Variants in SLC25A21 observed in about 807,000 individuals in gnomAD.
The protein encoded by SLC25A21 is mitochondrial 2-oxodicarboxylate carrier.
A neutral mutation model predicts 43.8 loss-of-function variants in SLC25A21; 47 were observed. The observed-to-expected ratio is 1.07, with a 90% CI of 0.85 to 1.37. The LOEUF is 1.37. SLC25A21 is among the 40% of genes most tolerant of loss of function. The probability of loss-of-function intolerance (pLI) is 0.00; values close to 1 mark genes in which losing one functional copy is unlikely to be tolerated. For missense variants in SLC25A21, 352 were observed against 350.2 expected, an observed-to-expected ratio of 1.00 and a Z score of -0.04; for synonymous variants, 131 against 121.3, an observed-to-expected ratio of 1.08 and a Z score of -0.52.
At chr14:36,997,498 T>C (rs992234389) in intron 1 of SLC25A21, among the ~76,000 whole-genome samples, 1 of 152,108 alleles carries the variant, frequency 6.6e-6, no homozygotes, top group Non-Finnish European at 1.5e-5. Context: ...GAGAAGTAAA[T>C]GTTTGACTGA....
chr14:37,023,843 TA>T (rs1473372926), intron 1 of SLC25A21, among the ~76,000 whole-genome samples: 2 of 151,912 alleles, frequency 1.3e-5, no homozygotes, highest in Non-Finnish European at 2.9e-5. Flanking sequence ...CACCACTTTC[TA>T]TTACAGTGGT....
intron 4 of SLC25A21, among the ~76,000 whole-genome samples, chr14:36,733,763 G>C (rs892092718): frequency 6.6e-6 from 1 of 152,072 alleles, no homozygotes. Context: ...TCAGTGGTGC[G>C]GGGGAGGGGA....
intron 3 of SLC25A21, among the ~76,000 whole-genome samples, chr14:36,750,775 A>G (rs960749270): frequency 6.6e-6 from 1 of 152,216 alleles, no homozygotes; most frequent in African/African-American, 2.4e-5. Flanking sequence ...CCAGATGACT[A>G]TCTGTTAGGA....
At chr14:37,160,118 T>A (rs1963913636) in intron 1 of SLC25A21, among the ~76,000 whole-genome samples, 1 of 152,140 alleles carries the variant, frequency 6.6e-6, no homozygotes, top group Admixed American at 6.5e-5. Flanking sequence ...TTGATGAGAA[T>A]GTAAACTAGT....
rs1397904925 is a variant in SLC25A21, at chr14:36,776,234, C to CTTTTTTTTTTTTTT, written c.203+37683_203+37684insAAAAAAAAAAAAAA. 2.8e-4 allele frequency among the ~76,000 whole-genome samples: 21 copies of CTTTTTTTTTTTTTT among 75,752 alleles called. 2 individuals are homozygous for CTTTTTTTTTTTTTT. Among genetic ancestry groups the CTTTTTTTTTTTTTT allele is most frequent in the African/African-American group, 1.2e-3 (21 of 17,568 alleles). The allele number at this position is 75,752 out of a possible 152,430, so 49.7% of individuals were successfully genotyped here. On this transcript the variant is annotated intron_variant, in intron 3 of 9. Transcript: ENST00000331299. ...CTTTCTTTTTTCTTTTTCTTTCTTT[C>CTTTTTTTTTTTTTT]TTTCTTTTTTTTTTTTTTTTGAGAT... is the stretch of plus-strand genomic sequence containing the variant.
At chr14:36,942,651 G>A (rs553217406) in intron 1 of SLC25A21, among the ~76,000 whole-genome samples, 1 of 152,256 alleles carries the variant, frequency 6.6e-6, no homozygotes, top group African/African-American at 2.4e-5. Context: ...CAGCTGTGGT[G>A]AAAAATATAA....
chr14:36,733,288 T>G (rs894749221), intron 4 of SLC25A21, among the ~76,000 whole-genome samples: 1 of 152,228 alleles, frequency 6.6e-6, no homozygotes, highest in Non-Finnish European at 1.5e-5. Flanking sequence ...TAAAGCCATT[T>G]CATAATTCAA....
intron 1 of SLC25A21, among the ~76,000 whole-genome samples, chr14:37,062,013 G>C (rs1217404093): frequency 7.0e-6 from 1 of 141,932 alleles, no homozygotes; most frequent in Non-Finnish European, 1.6e-5. Flanking sequence ...GGTCCAAACA[G>C]TATGGCCCCC....
intron 1 of SLC25A21, among the ~76,000 whole-genome samples, chr14:37,087,621 C>T (rs1052056304): frequency 3.3e-5 from 5 of 152,182 alleles, no homozygotes; most frequent in African/African-American, 1.2e-4. Flanking sequence ...TCTCGCTCAT[C>T]TAGATATTGG....
intron 3 of SLC25A21, among the ~76,000 whole-genome samples, chr14:36,796,348 A>AATTTATTTATTTATTTATTTATTTATTT (rs555283170): frequency 6.6e-6 from 1 of 151,262 alleles, no homozygotes; most frequent in African/African-American, 2.5e-5. Context: ...ACAGTATGGT[A>AATTTATTTATTTATTTATTTATTTATTT]ATTTATTTAT....
chr14:36,800,448 T>A lies in SLC25A21; in HGVS notation c.203+13470A>T, dbSNP rs1594268. On this transcript the variant is annotated intron_variant, in intron 3 of 9. Transcript: ENST00000331299. ...CTACAATACAGATGAACCTTGAAGGTACATTATGTTAAGTGAAATAAACCA... is the reference window on the plus strand; with the variant it reads ...CTACAATACAGATGAACCTTGAAGGAACATTATGTTAAGTGAAATAAACCA... 7.2e-5 allele frequency among the ~76,000 whole-genome samples: 11 copies of A among 152,072 alleles called. No homozygotes were observed. The South Asian group carries it at 2.1e-3, about 29-fold the overall frequency.
chr14:37,085,233 G>T (rs11848802), intron 1 of SLC25A21, among the ~76,000 whole-genome samples: 1,810 of 152,120 alleles, frequency 0.012, 33 homozygotes, highest in African/African-American at 0.042. Context: ...CAGACAACAC[G>T]CCACGCTCGT....
intron 1 of SLC25A21, among the ~76,000 whole-genome samples, chr14:36,899,192 C>T (rs548649287): frequency 8.6e-4 from 130 of 151,776 alleles, no homozygotes; most frequent in Middle Eastern, 3.4e-3. Context: ...GTGCTCAAGA[C>T]GATCCACGCA....
intron 1 of SLC25A21, among the ~76,000 whole-genome samples, chr14:36,875,833 A>G (rs2138557480): frequency 6.6e-6 from 1 of 152,336 alleles, no homozygotes; most frequent in South Asian, 2.1e-4. Context: ...CTACTCAATT[A>G]TAATACAAAC....
chr14:36,682,633 TAGC>T (rs1461192910), intron 9 of SLC25A21, among the ~76,000 whole-genome samples: 1 of 152,192 alleles, frequency 6.6e-6, no homozygotes, highest in Non-Finnish European at 1.5e-5. Flanking sequence ...TTAGGTCTAC[TAGC>T]AGGTTTTTAC....
At position 36,815,227 on chromosome 14, in the gene SLC25A21, T is replaced by C. The variant is rs118040446; in HGVS notation, c.120-1226A>G. 7.3e-3 allele frequency among the ~76,000 whole-genome samples: 1,114 copies of C among 152,170 alleles called. 4 individuals carry two copies. Among genetic ancestry groups the C allele is most frequent in the Non-Finnish European group, 0.013 (888 of 67,988 alleles). On this transcript the variant is annotated intron_variant, in intron 2 of 9. Transcript: ENST00000331299. ...GACAAATAACTAATGAATGTGGGGC[T>C]TAAAACCTGTAAGACGGGTTGATAG...
intron 1 of SLC25A21, among the ~76,000 whole-genome samples, chr14:36,967,832 T>G (rs12887170): frequency 0.48 from 72,134 of 151,608 alleles, 18,620 homozygotes; most frequent in African/African-American, 0.68. Context: ...CCACATGCAC[T>G]TGTGTGTGTG....
At chr14:37,098,832 T>C (rs1962760884) in intron 1 of SLC25A21, among the ~76,000 whole-genome samples, 2 of 150,202 alleles carry the variant, frequency 1.3e-5, no homozygotes, top group East Asian at 2.0e-4. Context: ...AGACAAAGTC[T>C]CATTCTGTCA....
intron 2 of SLC25A21, among the ~76,000 whole-genome samples, chr14:36,865,121 A>C (rs1890177850): frequency 6.7e-6 from 1 of 149,636 alleles, no homozygotes; most frequent in Non-Finnish European, 1.5e-5. Flanking sequence ...CCCCTTTCCA[A>C]CCTCTAAATT....
Sources: allele counts gnomAD v4.1 joint callset (sites outside exome capture counted in the v4.1 genomes callset), GRCh38; gene constraint gnomAD v4.1.1; transcripts MANE v1.5; gene names NCBI Gene and HGNC (gene_info 2026-07-23, HGNC 2026-07-21).